Variants in GREB1 observed in about 807,000 individuals in gnomAD.
GREB1 encodes protein GREB1.
In GREB1, 106 loss-of-function variants were observed where a neutral mutation model predicts 200.7. The ratio of observed to expected loss-of-function variants is 0.53; its 90% CI spans 0.45 to 0.62. The LOEUF is 0.62. Ranked by LOEUF, GREB1 falls within the 20% of genes least tolerant of loss-of-function variation. GREB1 has a pLI of 0.00. For synonymous variants in GREB1, 1,132 were observed against 1,092.4 expected, an observed-to-expected ratio of 1.04 and a Z score of -0.72; for missense variants, 2,243 against 2,556.8, an observed-to-expected ratio of 0.88 and a Z score of 2.65.
chr2:11,502,327 C>T (rs1485656636), intron 1 of GREB1, among the ~76,000 whole-genome samples: 3 of 150,548 alleles, frequency 2.0e-5, no homozygotes, highest in Non-Finnish European at 4.4e-5. Flanking sequence ...CTCAAGCAAT[C>T]CTCTCACCTC....
chr2:11,511,300 A>T (rs1342582368), intron 1 of GREB1, among the ~76,000 whole-genome samples: 1 of 152,058 alleles, frequency 6.6e-6, no homozygotes, highest in Non-Finnish European at 1.5e-5. Context: ...ATGGCTGGAG[A>T]GCTGGGGCCC....
intron 1 of GREB1, among the ~76,000 whole-genome samples, chr2:11,484,343 A>C (rs1488147965): frequency 1.3e-5 from 2 of 152,210 alleles, no homozygotes; most frequent in African/African-American, 2.4e-5. Flanking sequence ...TTTTCATGCC[A>C]AAATCTGGTT....
rs985657522 is a variant in GREB1, at chr2:11,625,230, G to A, written c.4224G>A (p.Leu1408=). Reference sequence around the variant, plus strand: ...CAGACCTGGAGCTGTTCAAGAAGTTGCCCTTTGACTACATCATTCACGACC... The same window carrying A: ...CAGACCTGGAGCTGTTCAAGAAGTTACCCTTTGACTACATCATTCACGACC... The part of the protein sequence containing the change: ...PWPDLELFKK[L]PFDYIIHDPK... The change falls in exon 24 of 33, where the codon TTG becomes TTA. Residue 1408 remains leucine, a synonymous_variant. Coordinates refer to ENST00000381486, the MANE Select transcript of GREB1 (RefSeq NM_014668.4). 7 of 1,613,946 alleles carry A rather than the reference G, an allele frequency of 4.3e-6. No homozygotes were observed. Among genetic ancestry groups the A allele is most frequent in the Non-Finnish European group, 5.1e-6 (6 of 1,179,894 alleles).
intron 10 of GREB1, among the ~76,000 whole-genome samples, chr2:11,589,644 G>A (rs564228767): frequency 6.6e-6 from 1 of 152,360 alleles, no homozygotes; most frequent in African/African-American, 2.4e-5. Context: ...CCACCCTGGC[G>A]GCTATGTGGA....
intron 1 of GREB1, among the ~76,000 whole-genome samples, chr2:11,554,061 A>G (rs1000036281): frequency 1.3e-5 from 2 of 152,128 alleles, no homozygotes; most frequent in East Asian, 3.9e-4. Context: ...GGTGTCCCCA[A>G]ATGTGGCTGG....
intron 29 of GREB1, among the ~76,000 whole-genome samples, chr2:11,634,678 GT>G (rs1685163652): frequency 6.6e-6 from 1 of 152,148 alleles, no homozygotes; most frequent in Non-Finnish European, 1.5e-5. Flanking sequence ...TACATATCTA[GT>G]CGCAGAAGTG....
At chr2:11,568,309 G>T (rs1398818749) in intron 4 of GREB1, among the ~76,000 whole-genome samples, 1 of 152,180 alleles carries the variant, frequency 6.6e-6, no homozygotes, top group Non-Finnish European at 1.5e-5. Flanking sequence ...AGAAGAAAAC[G>T]CAATGGTTCC....
intron 1 of GREB1, among the ~76,000 whole-genome samples, chr2:11,514,292 C>G (rs1041484875): frequency 6.6e-6 from 1 of 151,990 alleles, no homozygotes; most frequent in Non-Finnish European, 1.5e-5. Flanking sequence ...ACCATGTTAC[C>G]TACGTAAATA....
At chr2:11,501,905 G>GTTTT (rs1204074491) in intron 1 of GREB1, among the ~76,000 whole-genome samples, 4 of 61,598 alleles carry the variant, frequency 6.5e-5, no homozygotes, top group African/African-American at 2.9e-4. Context: ...GTTTTTTTTT[G>GTTTT]TTTTTTTTTT....
Position 11,625,243 on chromosome 2 carries a change from A to G in GREB1, c.4237A>G (p.Ile1413Val). Residue 1413 changes from isoleucine (I) to valine (V), a missense_variant, in exon 24 of 33, where the codon ATC (isoleucine) becomes GTC (valine). By Grantham distance (29) the Ile-to-Val change is conservative (BLOSUM62 3). Coordinates refer to ENST00000381486, the MANE Select transcript of GREB1 (RefSeq NM_014668.4). ...GTTCAAGAAGTTGCCCTTTGACTAC[A>G]TCATTCACGACCCGAAGTATGAAGA... Reference protein sequence around the residue: ...ELFKKLPFDYIIHDPKYEDAS... With the variant: ...ELFKKLPFDYVIHDPKYEDAS... 6.2e-7 allele frequency: 1 copy of G among 1,614,160 alleles called. No individual in the cohort carries two copies. The highest frequency in any genetic ancestry group is 1.1e-5 in the South Asian group (1 of 91,076).
chr2:11,584,328 G>A (rs1045557221), intron 7 of GREB1, among the ~76,000 whole-genome samples: 5 of 152,134 alleles, frequency 3.3e-5, no homozygotes, highest in Non-Finnish European at 7.4e-5. Flanking sequence ...TAGAGTGGGC[G>A]GGGATGACTC....
chr2:11,593,163 T>C, intron 11 of GREB1, 37 bp downstream of exon 11: 1 of 1,393,776 alleles, frequency 7.2e-7, no homozygotes, highest in East Asian at 2.5e-5. Flanking sequence ...GAAAGCCCCC[T>C]GAACGGTGTT....
chr2:11,488,005 G>C (rs1415793768), intron 1 of GREB1, among the ~76,000 whole-genome samples: 2 of 152,200 alleles, frequency 1.3e-5, no homozygotes, highest in Non-Finnish European at 2.9e-5. Context: ...TCGGGGCTCA[G>C]GTTCTCATCT....
chr2:11,485,637 TCAAA>T (rs957533963), intron 1 of GREB1, among the ~76,000 whole-genome samples: 1 of 152,216 alleles, frequency 6.6e-6, no homozygotes, highest in Non-Finnish European at 1.5e-5. Flanking sequence ...GATTTTGATC[TCAAA>T]CAGCCTTTCT....
Position 11,618,081 on chromosome 2 carries a change from C to T in GREB1, c.3413-207C>T, listed in dbSNP as rs573053093. Among the ~76,000 whole-genome samples, 12 of 87,448 alleles carry T rather than the reference C, an allele frequency of 1.4e-4. No homozygotes were observed. The South Asian group carries it at 3.5e-3, about 26-fold the overall frequency. The allele number at this position is 87,448 out of a possible 152,430, so 57.4% of individuals were successfully genotyped here. A position where few individuals can be genotyped will look rare whatever the true frequency, so the allele number is the denominator to read the frequency against. Reference sequence around the variant, plus strand: ...GGGGGCCTGGGGCAGAAACAGGAGCCGCCGGCAAGTTCTGGGACAGCTCAC... The same window carrying T: ...GGGGGCCTGGGGCAGAAACAGGAGCTGCCGGCAAGTTCTGGGACAGCTCAC... On this transcript the variant is annotated intron_variant, in intron 21 of 32. Coordinates refer to ENST00000381486, the MANE Select transcript of GREB1 (RefSeq NM_014668.4).
intron 10 of GREB1, chr2:11,591,624 C>A: frequency 1.7e-6 from 1 of 590,862 alleles, no homozygotes; most frequent in Non-Finnish European, 3.1e-6. Flanking sequence ...GGTAAACTGA[C>A]GCATTCAGGC....
intron 31 of GREB1, among the ~76,000 whole-genome samples, 193 bp downstream of exon 31, chr2:11,638,109 C>A (rs1262160347): frequency 6.6e-6 from 1 of 152,128 alleles, no homozygotes; most frequent in Non-Finnish European, 1.5e-5. Context: ...GGAAGCCAGC[C>A]CAATTCTGAT....
intron 1 of GREB1, among the ~76,000 whole-genome samples, chr2:11,516,925 G>A (rs1038110785): frequency 3.9e-5 from 6 of 152,360 alleles, no homozygotes; most frequent in African/African-American, 1.4e-4. Context: ...GGCGAGGGCT[G>A]TGAGGCGGGG....
At chr2:11,551,276 C>T in intron 1 of GREB1, among the ~76,000 whole-genome samples, 1 of 152,118 alleles carries the variant, frequency 6.6e-6, no homozygotes, top group East Asian at 1.9e-4. Context: ...CCCATGAAGC[C>T]CACCAGGCAA....
Sources: allele counts gnomAD v4.1 joint callset (sites outside exome capture counted in the v4.1 genomes callset), GRCh38; gene constraint gnomAD v4.1.1; transcripts MANE v1.5; gene names NCBI Gene and HGNC (gene_info 2026-07-23, HGNC 2026-07-21).